Variants in QTGAL observed in about 807,000 individuals in gnomAD.
QTGAL encodes queuosine-tRNA galactosyltransferase.
the QTGAL span, among the ~76,000 whole-genome samples, chr17:83,001,597 G>GGCGC: frequency 6.6e-6 from 1 of 151,080 alleles, no homozygotes; most frequent in African/African-American, 2.5e-5. Flanking sequence ...AGAAAGCAGA[G>GGCGC]GGGCGGGCGG....
chr17:82,945,800 G>C, the QTGAL span: 1 of 152,210 alleles, frequency 6.6e-6, no homozygotes, highest in African/African-American at 2.4e-5. Flanking sequence ...GGGTGCCCCT[G>C]GTTGAGAACC....
the QTGAL span, among the ~76,000 whole-genome samples, chr17:82,952,185 A>G: frequency 0.62 from 93,626 of 152,086 alleles, 29,498 homozygotes; most frequent in African/African-American, 0.75. Context: ...ACAGCTCATC[A>G]CAGGCCGGGC....
At chr17:83,013,446 C>T in the QTGAL span, among the ~76,000 whole-genome samples, 1 of 131,632 alleles carries the variant, frequency 7.6e-6, no homozygotes, top group South Asian at 2.8e-4. Context: ...CCCCTCCCAA[C>T]CCCCTCTGGT....
At chr17:83,006,303 G>C in the QTGAL span, 1 of 985,396 alleles carries the variant, frequency 1.0e-6, no homozygotes, top group Non-Finnish European at 1.2e-6. The surrounding 1 kb of genome is among the most constrained non-coding windows in gnomAD (Gnocchi z 5.8). Flanking sequence ...CGCGTAGTGA[G>C]TGATTCTTTT....
At chr17:82,983,753 G>T in the QTGAL span, among the ~76,000 whole-genome samples, 3 of 152,258 alleles carry the variant, frequency 2.0e-5, no homozygotes, top group African/African-American at 4.8e-5. Flanking sequence ...GGGCCCCGGG[G>T]CGGAGGAGGG....
At chr17:83,008,852 G>C in the QTGAL span, among the ~76,000 whole-genome samples, 2 of 152,142 alleles carry the variant, frequency 1.3e-5, no homozygotes, top group African/African-American at 4.8e-5. Context: ...ATCCCAGCCC[G>C]GATCCCTGCC....
At chr17:83,038,808 G>A in the QTGAL span, among the ~76,000 whole-genome samples, 4 of 151,624 alleles carry the variant, frequency 2.6e-5, no homozygotes, top group South Asian at 2.1e-4. Flanking sequence ...GCAGTGAGCC[G>A]AGATCGCGCC....
At chr17:83,019,895 G>A in the QTGAL span, among the ~76,000 whole-genome samples, 11 of 151,980 alleles carry the variant, frequency 7.2e-5, no homozygotes, top group African/African-American at 2.7e-4. Flanking sequence ...CACCACACCT[G>A]GCTAATTTTC....
the QTGAL span, chr17:82,961,355 C>T: frequency 2.5e-5 from 12 of 470,652 alleles, no homozygotes; most frequent in African/African-American, 8.5e-5. Context: ...CCACAACAGA[C>T]GTGAGCAACC....
the QTGAL span, chr17:82,981,707 C>T: frequency 6.6e-6 from 1 of 152,204 alleles, no homozygotes; most frequent in Non-Finnish European, 1.5e-5. Context: ...CGTCCTCACA[C>T]GTGGCCCAAA....
At chr17:82,999,889 A>G in the QTGAL span, among the ~76,000 whole-genome samples, 2 of 152,186 alleles carry the variant, frequency 1.3e-5, no homozygotes, top group African/African-American at 4.8e-5. Flanking sequence ...CAAGGTTTAT[A>G]GGATCGCCTT....
chr17:82,985,368 TA>T, the QTGAL span, among the ~76,000 whole-genome samples: 2 of 152,356 alleles, frequency 1.3e-5, no homozygotes, highest in East Asian at 3.9e-4. Context: ...TGATTTCTGT[TA>T]ATGTAACAGC....
the QTGAL span, among the ~76,000 whole-genome samples, chr17:82,955,793 ATAG>A: frequency 1.3e-5 from 2 of 152,228 alleles, no homozygotes; most frequent in South Asian, 2.1e-4. Context: ...CATGGCACAT[ATAG>A]CCCATGGAAT....
the QTGAL span, among the ~76,000 whole-genome samples, chr17:82,982,752 C>T: frequency 6.6e-6 from 1 of 152,176 alleles, no homozygotes; most frequent in Non-Finnish European, 1.5e-5. Flanking sequence ...AAGGCAGTTT[C>T]TCCGGGTGAT....
the QTGAL span, among the ~76,000 whole-genome samples, chr17:83,020,908 C>A: frequency 3.8e-4 from 58 of 152,240 alleles, no homozygotes; most frequent in South Asian, 8.3e-3. Flanking sequence ...TGCGAAGGGG[C>A]ATGAAAGGGG....
At chr17:82,955,897 A>C in the QTGAL span, among the ~76,000 whole-genome samples, 1 of 151,984 alleles carries the variant, frequency 6.6e-6, no homozygotes, top group African/African-American at 2.4e-5. Context: ...CTAACACAGG[A>C]ACAGAAAACC....
the QTGAL span, among the ~76,000 whole-genome samples, chr17:83,024,530 G>C: frequency 6.6e-6 from 1 of 152,240 alleles, no homozygotes; most frequent in Non-Finnish European, 1.5e-5. Flanking sequence ...GCTGTTGAGG[G>C]ATAAACATCT....
chr17:82,963,795 C>T, the QTGAL span, among the ~76,000 whole-genome samples: 1 of 151,952 alleles, frequency 6.6e-6, no homozygotes, highest in Non-Finnish European at 1.5e-5. Context: ...TGACAACTTC[C>T]TAACATTAGA....
chr17:83,047,963 CTT>C, the QTGAL span, among the ~76,000 whole-genome samples: 1 of 151,998 alleles, frequency 6.6e-6, no homozygotes, highest in Non-Finnish European at 1.5e-5. Flanking sequence ...TTCTTTTTCT[CTT>C]TCTTTCATTT....
Sources: allele counts gnomAD v4.1 joint callset (sites outside exome capture counted in the v4.1 genomes callset), GRCh38; gene constraint gnomAD v4.1.1; non-coding constraint Gnocchi (gnomAD v3.1); transcripts MANE v1.5; gene names NCBI Gene and HGNC (gene_info 2026-07-23, HGNC 2026-07-21).